Variants in GALNTL6 observed in about 807,000 individuals in gnomAD.
GALNTL6 encodes the protein polypeptide N-acetylgalactosaminyltransferase like 6, also known as polypeptide N-acetylgalactosaminyltransferase-like 6.
GALNTL6 carries 46 observed loss-of-function variants against 73.7 expected under a neutral mutation model. The ratio of observed to expected loss-of-function variants is 0.62; its 90% CI spans 0.49 to 0.80. The LOEUF (loss-of-function observed/expected upper bound fraction) is 0.80, where lower values mean the gene tolerates loss of function less well. GALNTL6 is among the 30% of genes least tolerant of loss of function. The probability of loss-of-function intolerance (pLI) is 0.00; values close to 1 mark genes in which losing one functional copy is unlikely to be tolerated. For synonymous variants in GALNTL6, 259 were observed against 263.7 expected, an observed-to-expected ratio of 0.98 and a Z score of 0.17; for missense variants, 604 against 755.0, an observed-to-expected ratio of 0.80 and a Z score of 2.34.
At chr4:172,426,341 GC>G (rs2111372139) in intron 5 of GALNTL6, among the ~76,000 whole-genome samples, 1 of 7,450 alleles carries the variant, frequency 1.3e-4, no homozygotes, top group South Asian at 0.011. Context: ...GTAGTCCATA[GC>G]AGAGTTTTTT....
At chr4:172,801,716 T>C (rs1421482272) in intron 5 of GALNTL6, among the ~76,000 whole-genome samples, 1 of 152,214 alleles carries the variant, frequency 6.6e-6, no homozygotes. Flanking sequence ...TTTTTGTTTC[T>C]AATATTTTCT....
chr4:171,838,137 T>TA (rs1735148368), intron 2 of GALNTL6, among the ~76,000 whole-genome samples: 7 of 151,256 alleles, frequency 4.6e-5, no homozygotes, highest in African/African-American at 9.8e-5. Context: ...TTTATTTATT[T>TA]TTTGAGACAG....
At chr4:172,299,141 T>C (rs999381540) in intron 3 of GALNTL6, among the ~76,000 whole-genome samples, 127 of 152,362 alleles carry the variant, frequency 8.3e-4, no homozygotes, top group African/African-American at 2.9e-3. Flanking sequence ...CTAGACTTTC[T>C]AGTTTATTTG....
At chr4:172,336,275 G>GTTTT (rs200566896) in intron 4 of GALNTL6, among the ~76,000 whole-genome samples, 3 of 126,038 alleles carry the variant, frequency 2.4e-5, no homozygotes, top group African/African-American at 8.9e-5. Context: ...GTTTTGTTTT[G>GTTTT]TTTTTTTTTT....
chr4:172,488,270 TC>T (rs766689001), intron 5 of GALNTL6, among the ~76,000 whole-genome samples: 13 of 152,192 alleles, frequency 8.5e-5, no homozygotes, highest in Non-Finnish European at 1.5e-4. Flanking sequence ...AGAACAGGCC[TC>T]CTCTAACTTA....
At chr4:172,731,883 T>G (rs1191679126) in intron 5 of GALNTL6, among the ~76,000 whole-genome samples, 1 of 152,184 alleles carries the variant, frequency 6.6e-6, no homozygotes, top group Non-Finnish European at 1.5e-5. Context: ...CTAGTTGTAT[T>G]TCATATTTTT....
intron 2 of GALNTL6, among the ~76,000 whole-genome samples, chr4:172,191,363 T>C (rs868800051): frequency 1.4e-4 from 22 of 152,310 alleles, no homozygotes; most frequent in African/African-American, 5.3e-4. Flanking sequence ...AAATATATCC[T>C]ATTCTCTACA....
At chr4:172,980,300 A>G (rs905407210) in intron 10 of GALNTL6, among the ~76,000 whole-genome samples, 2 of 152,204 alleles carry the variant, frequency 1.3e-5, no homozygotes, top group African/African-American at 4.8e-5. Flanking sequence ...TAAATTTGCC[A>G]TTTTAATCAG....
intron 2 of GALNTL6, among the ~76,000 whole-genome samples, chr4:172,017,025 T>C (rs73870117): frequency 0.01 from 1,542 of 152,264 alleles, 24 homozygotes; most frequent in African/African-American, 0.035. Flanking sequence ...TTTTTCCTGA[T>C]GTTTTATTTA....
chr4:172,659,969 G>A (rs1731282676), intron 5 of GALNTL6, among the ~76,000 whole-genome samples: 1 of 152,104 alleles, frequency 6.6e-6, no homozygotes, highest in South Asian at 2.1e-4. Flanking sequence ...CTGCTTCTCT[G>A]ATCTGTACCC....
At chr4:172,575,355 T>C (rs1354675624) in intron 5 of GALNTL6, among the ~76,000 whole-genome samples, 3 of 152,180 alleles carry the variant, frequency 2.0e-5, no homozygotes, top group Non-Finnish European at 4.4e-5. Flanking sequence ...TGAAAGTCCA[T>C]TGCTAACTAG....
At chr4:172,262,673 G>T (rs1738297677) in intron 3 of GALNTL6, among the ~76,000 whole-genome samples, 1 of 151,202 alleles carries the variant, frequency 6.6e-6, no homozygotes, top group South Asian at 2.1e-4. Context: ...GCCAAATGCT[G>T]CCTAAATATC....
intron 5 of GALNTL6, among the ~76,000 whole-genome samples, chr4:172,438,712 A>C (rs189567220): frequency 1.1e-3 from 166 of 152,054 alleles, no homozygotes; most frequent in Admixed American, 8.7e-3. Flanking sequence ...TATGATCAGT[A>C]ACCTCAAATG....
intron 8 of GALNTL6, among the ~76,000 whole-genome samples, chr4:172,925,363 G>C (rs961506884): frequency 6.6e-6 from 1 of 152,136 alleles, no homozygotes; most frequent in Non-Finnish European, 1.5e-5. Context: ...TGAGGTTATC[G>C]ATAGAAGACA....
At chr4:172,881,919 C>CA (rs1422309782) in intron 7 of GALNTL6, among the ~76,000 whole-genome samples, 1 of 151,936 alleles carries the variant, frequency 6.6e-6, no homozygotes, top group Admixed American at 6.6e-5. Flanking sequence ...CGTGATTCCT[C>CA]AAACCGTGTG....
chr4:172,652,089 C>G (rs1459776617), intron 5 of GALNTL6, among the ~76,000 whole-genome samples: 2 of 152,124 alleles, frequency 1.3e-5, no homozygotes, highest in Non-Finnish European at 2.9e-5. Context: ...TAGAACACTC[C>G]CATATGTCAC....
intron 5 of GALNTL6, among the ~76,000 whole-genome samples, chr4:172,434,220 C>T (rs951333144): frequency 6.6e-6 from 1 of 151,942 alleles, no homozygotes; most frequent in Non-Finnish European, 1.5e-5. Context: ...TAAGAGAGTT[C>T]TTGTATAACT....
intron 8 of GALNTL6, among the ~76,000 whole-genome samples, chr4:172,905,917 G>C (rs1434324461): frequency 6.6e-6 from 1 of 151,064 alleles, no homozygotes; most frequent in African/African-American, 2.4e-5. Context: ...GACCTATAAG[G>C]AAGGATATCA....
At chr4:172,282,666 C>A (rs377093168) in intron 3 of GALNTL6, among the ~76,000 whole-genome samples, 1,114 of 122,578 alleles carry the variant, frequency 9.1e-3, no homozygotes, top group African/African-American at 9.4e-3. Context: ...TGAAATGGGG[C>A]AAAAAAAAAA....
Sources: gnomAD v4.1 joint callset for allele counts (sites outside exome capture counted in the v4.1 genomes callset) on GRCh38, gnomAD v4.1.1 for gene constraint, MANE v1.5 for transcripts, NCBI Gene and HGNC (gene_info 2026-07-23, HGNC 2026-07-21) for gene names.